Variants in PCNX1 observed in about 807,000 individuals in gnomAD.
PCNX1 encodes pecanex-like protein 1.
Under a neutral mutation model 242.2 loss-of-function variants are expected in PCNX1, and 78 were observed. That is an observed-to-expected ratio of 0.32 (90% CI 0.27 to 0.39). The LOEUF (loss-of-function observed/expected upper bound fraction) is 0.39, where lower values mean the gene tolerates loss of function less well. Among genes scored for constraint, PCNX1 ranks in the 10% least tolerant of loss-of-function variants. The pLI is 1.00. For synonymous variants in PCNX1, 1,024 were observed against 1,032.9 expected, an observed-to-expected ratio of 0.99 and a Z score of 0.17; for missense variants, 2,581 against 2,856.5, an observed-to-expected ratio of 0.90 and a Z score of 2.20.
chr14:70,932,300 A>T (rs2056831934), intron 1 of PCNX1, among the ~76,000 whole-genome samples: 1 of 152,210 alleles, frequency 6.6e-6, no homozygotes, highest in Admixed American at 6.5e-5. Flanking sequence ...ATACATTTAT[A>T]GCTAAACATT....
At chr14:70,927,677 C>T (rs999032819) in intron 1 of PCNX1, among the ~76,000 whole-genome samples, 1 of 151,888 alleles carries the variant, frequency 6.6e-6, no homozygotes, top group African/African-American at 2.4e-5. Flanking sequence ...GCAACCTCTG[C>T]CTCCCAGGTT....
At chr14:70,956,610 T>G (rs1348207662) in intron 2 of PCNX1, among the ~76,000 whole-genome samples, 1 of 152,132 alleles carries the variant, frequency 6.6e-6, no homozygotes, top group East Asian at 1.9e-4. Flanking sequence ...ATGTGGGCTT[T>G]AGGGTTTCAC....
chr14:70,926,627 A>G (rs966141152), intron 1 of PCNX1, among the ~76,000 whole-genome samples: 3 of 152,034 alleles, frequency 2.0e-5, no homozygotes, highest in African/African-American at 7.2e-5. Context: ...CCCCACACCA[A>G]AGGATTGTCT....
rs1053680827 is a variant in PCNX1, at chr14:71,111,025, GTTA to G, written c.*1098_*1100del. 2.7e-5 allele frequency: 4 copies of G among 149,974 alleles called. No homozygotes were observed. The highest frequency in any genetic ancestry group is 4.5e-5 in the Non-Finnish European group (3 of 67,308). The allele number at this position is 149,974 out of a possible 1,614,324, so 9.3% of individuals were successfully genotyped here. On this transcript the variant is annotated 3_prime_UTR_variant, in exon 36 of 36. Coordinates refer to ENST00000304743, the MANE Select transcript of PCNX1 (RefSeq NM_014982.3). ...CAAATAAAAGTATCCAAGTGGTGCA[GTTA>G]TTATTATATCCCTCTTTAATAATTT...
chr14:70,911,405 GTGGAC>G (rs1245872527), intron 1 of PCNX1, among the ~76,000 whole-genome samples: 2 of 152,196 alleles, frequency 1.3e-5, no homozygotes, highest in African/African-American at 2.4e-5. Context: ...ACTTTGAAAG[GTGGAC>G]TCTATATACA....
At chr14:71,059,953 G>T (rs1469626067) in intron 26 of PCNX1, among the ~76,000 whole-genome samples, 1 of 152,126 alleles carries the variant, frequency 6.6e-6, no homozygotes, top group Non-Finnish European at 1.5e-5. Flanking sequence ...GCCAGAAAGT[G>T]CCAGCCATCT....
chr14:70,970,928 A>G (rs2058520368), intron 5 of PCNX1, among the ~76,000 whole-genome samples: 1 of 152,146 alleles, frequency 6.6e-6, no homozygotes, highest in Non-Finnish European at 1.5e-5. Flanking sequence ...TTACCCAGTT[A>G]ATCTTCACTA....
intron 28 of PCNX1, among the ~76,000 whole-genome samples, chr14:71,080,222 A>G (rs1411235703): frequency 6.6e-6 from 1 of 152,092 alleles, no homozygotes; most frequent in East Asian, 1.9e-4. Context: ...GTTCTGTTCC[A>G]TTGATCTATA....
intron 28 of PCNX1, among the ~76,000 whole-genome samples, chr14:71,081,409 T>C (rs1595460191): frequency 6.6e-6 from 1 of 151,920 alleles, no homozygotes; most frequent in South Asian, 2.1e-4. Context: ...GAGTCCCTCT[T>C]TTTCTGTTGT....
Position 70,935,450 on chromosome 14 carries a change from T to C in PCNX1, c.154-11465T>C, listed in dbSNP as rs367562005. 3.3e-5 allele frequency among the ~76,000 whole-genome samples: 5 copies of C among 152,202 alleles called. No individual in the cohort carries two copies. In the East Asian group the frequency reaches 7.7e-4, roughly 23 times the overall value. ...ATTTCAGTGTGTTTTTGGCACCCAG[T>C]TGGCCACTGCTCTTAGCAATATAAT... On this transcript the variant is annotated intron_variant, in intron 1 of 35. Coordinates refer to ENST00000304743, the MANE Select transcript of PCNX1 (RefSeq NM_014982.3).
intron 1 of PCNX1, among the ~76,000 whole-genome samples, chr14:70,920,256 C>T (rs767705629): frequency 2.6e-5 from 4 of 152,152 alleles, no homozygotes; most frequent in Non-Finnish European, 4.4e-5. Context: ...TAGAAATTAA[C>T]ATTAGTGCAA....
At chr14:71,080,881 C>T (rs2141535419) in intron 28 of PCNX1, among the ~76,000 whole-genome samples, 1 of 152,216 alleles carries the variant, frequency 6.6e-6, no homozygotes, top group South Asian at 2.1e-4. Flanking sequence ...GGCTGATTGC[C>T]CTGTCTAGAA....
intron 8 of PCNX1, among the ~76,000 whole-genome samples, chr14:70,999,611 C>T (rs1230485547): frequency 6.6e-6 from 1 of 152,046 alleles, no homozygotes; most frequent in African/African-American, 2.4e-5. Flanking sequence ...TGTTTTATTA[C>T]TGTGTAAGGA....
At chr14:71,107,665 G>T (rs549274467) in intron 33 of PCNX1, among the ~76,000 whole-genome samples, 3 of 152,128 alleles carry the variant, frequency 2.0e-5, no homozygotes, top group Non-Finnish European at 2.9e-5. Context: ...TGATCATTCC[G>T]ATTTAGTAGT....
Position 71,047,854 on chromosome 14 carries a change from C to A in PCNX1, c.4208C>A (p.Ser1403Tyr), listed in dbSNP as rs773721736. ...ITVAGLKLLR[S>Y]SFSSPTYQYV... ...GTTGCTGGTTTGAAGTTGCTACGAT[C>A]CTCTTTTAGCAGCCCTACATATCAG... The change falls in exon 22 of 36, where the codon TCC becomes TAC. Residue 1403 changes from serine (S) to tyrosine (Y), a missense_variant. Physicochemically the swap from Ser to Tyr is moderately radical, Grantham distance 144 (BLOSUM62 -2). Coordinates refer to ENST00000304743, the MANE Select transcript of PCNX1 (RefSeq NM_014982.3). 1 of 1,612,616 alleles carries A rather than the reference C, an allele frequency of 6.2e-7. No homozygotes were observed. The highest frequency in any genetic ancestry group is 8.5e-7 in the Non-Finnish European group (1 of 1,179,082).
intron 22 of PCNX1, among the ~76,000 whole-genome samples, chr14:71,049,429 T>C (rs1595372694): frequency 6.6e-6 from 1 of 152,292 alleles, no homozygotes; most frequent in South Asian, 2.1e-4. Context: ...ACATCATGGA[T>C]TTAATAACCT....
intron 24 of PCNX1, 107 bp downstream of exon 24, chr14:71,052,119 A>C: frequency 1.2e-6 from 1 of 841,538 alleles, no homozygotes; most frequent in Non-Finnish European, 1.7e-6. Flanking sequence ...TTGTGTTGAA[A>C]TATTTATTTT....
intron 2 of PCNX1, among the ~76,000 whole-genome samples, chr14:70,956,003 C>A (rs574564456): frequency 3.4e-4 from 52 of 151,966 alleles, no homozygotes; most frequent in Non-Finnish European, 6.0e-4. Context: ...AATTTTGTCC[C>A]CCAGGGCACA....
In PCNX1 at chr14:70,977,221, A is replaced by G. The variant is rs1396003551; in HGVS notation, c.884A>G (p.Asp295Gly). Residue 295 changes from aspartate (D) to glycine (G), a missense_variant, in exon 6 of 36, where the codon GAC (aspartate) becomes GGC (glycine). By Grantham distance (94) the Asp-to-Gly change is moderately conservative. Transcript: ENST00000304743. ...RTSSSAVAFP[D>G]TSLNDFPLYQ... The stretch of plus-strand genomic sequence containing the variant: ...TCTAGCTCTGCTGTGGCTTTTCCAG[A>G]CACTTCACTGAATGATTTTCCCCTT... The G allele has an allele frequency of 1.9e-6, 3 of 1,614,224 alleles. No individual in the cohort carries two copies. The highest frequency in any genetic ancestry group is 1.7e-5 in the Admixed American group (1 of 60,026).
Sources: allele counts gnomAD v4.1 joint callset (sites outside exome capture counted in the v4.1 genomes callset), GRCh38; gene constraint gnomAD v4.1.1; transcripts MANE v1.5; gene names NCBI Gene and HGNC (gene_info 2026-07-23, HGNC 2026-07-21).